The following ANGEL1 variants were observed in gnomAD, a reference collection of about 807,000 sequenced individuals.
ANGEL1 encodes angel homolog 1.
Under a neutral mutation model 76.4 loss-of-function variants are expected in ANGEL1, and 62 were observed. That is an observed-to-expected ratio of 0.81 (90% CI 0.66 to 1.00). ANGEL1 has a LOEUF of 1.00. Among genes scored for constraint, ANGEL1 ranks in the 50% least tolerant of loss-of-function variants. The pLI is 0.00. For missense variants in ANGEL1, 737 were observed against 836.7 expected, an observed-to-expected ratio of 0.88 and a Z score of 1.47; for synonymous variants, 340 against 331.7, an observed-to-expected ratio of 1.03 and a Z score of -0.27.
rs555094845 is a variant in ANGEL1, at chr14:76,787,762, C to G, written c.*1466G>C. The G allele has an allele frequency of 1.3e-5, 2 of 152,630 alleles. No homozygotes were observed. The highest frequency in any genetic ancestry group is 4.1e-4 in the South Asian group (2 of 4,826). The allele number at this position is 152,630 out of a possible 1,614,324, so 9.5% of individuals were successfully genotyped here. On this transcript the variant is annotated 3_prime_UTR_variant, in exon 10 of 10. Coordinates refer to ENST00000251089, the MANE Select transcript of ANGEL1 (RefSeq NM_015305.4). ...GTCCCACTTTGGAGGTCGAGTGAGG[C>G]AAGAGCAAGTCAAATCTACCAGGGC...
chr14:76,787,115 T>C lies in ANGEL1; in HGVS notation c.*2113A>G, dbSNP rs1009323869. 2 of 152,160 alleles carry C rather than the reference T, an allele frequency of 1.3e-5. No individual in the cohort carries two copies. Among genetic ancestry groups the C allele is most frequent in the Non-Finnish European group, 2.9e-5 (2 of 68,050 alleles). The allele number at this position is 152,160 out of a possible 1,614,324, so 9.4% of individuals were successfully genotyped here. A position where few individuals can be genotyped will look rare whatever the true frequency, so the allele number is the denominator to read the frequency against. On this transcript the variant is annotated 3_prime_UTR_variant, in exon 10 of 10. Coordinates refer to ENST00000251089, the MANE Select transcript of ANGEL1 (RefSeq NM_015305.4). ...GGAGATCTTACAACACATTTCTCAA[T>C]CTAGATTCATGTCTTGAGACCCCAC... is the stretch of plus-strand genomic sequence containing the variant.
At chr14:76,807,867 G>A (rs961029674) in intron 3 of ANGEL1, 55 bp downstream of exon 3, 2 of 1,582,978 alleles carry the variant, frequency 1.3e-6, no homozygotes, top group Non-Finnish European at 1.7e-6. Flanking sequence ...AGAGCACTGG[G>A]CAACAGCCCA....
Position 76,802,130 on chromosome 14 carries a change from C to T in ANGEL1, c.1618+1241G>A, listed in dbSNP as rs1393935470. ...GAGGTTGTAGTGAGCCGAGATGGTG[C>T]CACTGCACTCCAGCCTGGTGACAGA... On this transcript the variant is annotated intron_variant, in intron 7 of 9. Coordinates refer to ENST00000251089, the MANE Select transcript of ANGEL1 (RefSeq NM_015305.4). Among the ~76,000 whole-genome samples the T allele has an allele frequency of 2.0e-5, 3 of 152,108 alleles. No individual in the cohort carries two copies. The South Asian group carries it at 6.2e-4, about 32-fold the overall frequency.
intron 7 of ANGEL1, among the ~76,000 whole-genome samples, chr14:76,798,928 T>C (rs1450272309): frequency 6.9e-5 from 9 of 131,360 alleles, no homozygotes; most frequent in African/African-American, 2.4e-4. Flanking sequence ...GCCTGAGTGA[T>C]AGAGTGAGAC....
At chr14:76,807,577 AG>A (rs1894957352) in intron 3 of ANGEL1, 75 bp from the exon 4 acceptor site, 6 of 1,475,436 alleles carry the variant, frequency 4.1e-6, no homozygotes, top group Non-Finnish European at 5.6e-6. Flanking sequence ...GCAGGTCCTG[AG>A]GCCAGGTGGG....
intron 7 of ANGEL1, among the ~76,000 whole-genome samples, chr14:76,798,308 G>A (rs1894645758): frequency 6.6e-6 from 1 of 151,952 alleles, no homozygotes; most frequent in African/African-American, 2.4e-5. Context: ...TGAATTTTCT[G>A]TAGAGATGGG....
At chr14:76,803,338 G>C (rs764256074) in intron 7 of ANGEL1, 33 bp downstream of exon 7, 6 of 1,561,198 alleles carry the variant, frequency 3.8e-6, no homozygotes, top group Non-Finnish European at 5.3e-6. Flanking sequence ...GAGGAAGAAA[G>C]AAGACCAAGA....
Position 76,809,426 on chromosome 14 carries a change from C to T in ANGEL1, c.282G>A (p.Leu94=). The T allele has an allele frequency of 6.2e-7, 1 of 1,614,252 alleles. No homozygotes were observed. The highest frequency in any genetic ancestry group is 8.5e-7 in the Non-Finnish European group (1 of 1,180,038). The stretch of plus-strand genomic sequence containing the variant: ...CATTCTCTTCTCCAGGATTATCCAT[C>T]AGAAGTGCCAGGCTGCTCTGGGCTA... ...KGLAQSSLAL[L]MDNPGEENAA... The change falls in exon 2 of 10, where the codon CTG becomes CTA. Residue 94 remains leucine, a synonymous_variant. Coordinates refer to ENST00000251089, the MANE Select transcript of ANGEL1 (RefSeq NM_015305.4).
In ANGEL1 at chr14:76,790,708, A is replaced by G; in HGVS notation, c.1755T>C (p.Arg585=). The change falls in exon 9 of 10, where the codon CGT becomes CGC. Residue 585 remains arginine, a synonymous_variant. Coordinates refer to ENST00000251089, the MANE Select transcript of ANGEL1 (RefSeq NM_015305.4). ...TSVYTHFLPQ[R]GRPEVTTMPL... is the part of the protein sequence containing the mutation. ...GCATTGTAGTGACCTCTGGGCGGCC[A>G]CGCTGGGGCAGGAAGTGGGTATATA... The G allele has an allele frequency of 6.2e-7, 1 of 1,614,184 alleles. No individual in the cohort carries two copies. Among genetic ancestry groups the G allele is most frequent in the Non-Finnish European group, 8.5e-7 (1 of 1,180,024 alleles).
In ANGEL1 at chr14:76,790,744, G is replaced by C. The variant is rs755884248; in HGVS notation, c.1719C>G (p.His573Gln). ...GGAAGTGGGTATATACTGACGTCAGGTGGAGGCAGTGCTGGATGGTACCTA... is the reference window on the plus strand; with the variant it reads ...GGAAGTGGGTATATACTGACGTCAGCTGGAGGCAGTGCTGGATGGTACCTA... ...RTVGTIQHCL[H>Q]LTSVYTHFLP... The change falls in exon 9 of 10, where the codon CAC (histidine) becomes CAG (glutamine). Residue 573 changes from histidine to glutamine, a missense_variant. Transcript: ENST00000251089. 1.2e-6 allele frequency: 2 copies of C among 1,614,048 alleles called. No individual in the cohort carries two copies. Among genetic ancestry groups the C allele is most frequent in the Non-Finnish European group, 1.7e-6 (2 of 1,179,964 alleles).
intron 7 of ANGEL1, among the ~76,000 whole-genome samples, chr14:76,799,368 A>ACTG (rs1413416617): frequency 7.9e-6 from 1 of 126,752 alleles, no homozygotes; most frequent in Non-Finnish European, 1.6e-5. Flanking sequence ...ATCTCGGCTC[A>ACTG]CTGCAAGCTC....
At chr14:76,807,304 A>G (rs1894946807) in intron 4 of ANGEL1, 129 bp downstream of exon 4, 3 of 861,304 alleles carry the variant, frequency 3.5e-6, no homozygotes, top group South Asian at 3.4e-5. Flanking sequence ...TCAGGCACAC[A>G]TGGAAGGAGC....
intron 7 of ANGEL1, among the ~76,000 whole-genome samples, chr14:76,799,582 C>T (rs914871324): frequency 3.3e-5 from 5 of 152,088 alleles, no homozygotes; most frequent in Admixed American, 1.3e-4. Flanking sequence ...CGTGAGCCAC[C>T]GCGCCCGGCC....
In ANGEL1 at chr14:76,790,881, T is replaced by A. The variant is rs1433532831; in HGVS notation, c.1689-107A>T. On this transcript the variant is annotated intron_variant, in intron 8 of 9. Coordinates refer to ENST00000251089, the MANE Select transcript of ANGEL1 (RefSeq NM_015305.4). ...GATTTTTTAAAAGGATGATCTCAGA[T>A]GACTCAATCTCAGCCAATTCCTCCC... 3 of 1,409,056 alleles carry A rather than the reference T, an allele frequency of 2.1e-6. No individual in the cohort carries two copies. The African/African-American group carries it at 4.3e-5, about 20-fold the overall frequency. 87.3% of individuals were successfully genotyped at this position (1,409,056 alleles called of 1,614,324 possible).
intron 7 of ANGEL1, among the ~76,000 whole-genome samples, chr14:76,799,278 C>T (rs1233718132): frequency 4.4e-4 from 23 of 52,346 alleles, no homozygotes; most frequent in South Asian, 2.4e-3. Context: ...TCATGGCCTC[C>T]TTTTTTTTTT....
At chr14:76,806,289 C>T in intron 5 of ANGEL1, 127 bp downstream of exon 5, 1 of 992,390 alleles carries the variant, frequency 1.0e-6, no homozygotes, top group African/African-American at 1.6e-5. Flanking sequence ...TTCAACATAA[C>T]AAGAAAAAGG....
At chr14:76,804,240 C>G in intron 5 of ANGEL1, 14 of 1,379,560 alleles carry the variant, frequency 1.0e-5, no homozygotes, top group Non-Finnish European at 1.2e-5. Context: ...AATATCAACT[C>G]TCAGGGGCTT....
intron 7 of ANGEL1, among the ~76,000 whole-genome samples, chr14:76,798,105 C>T (rs1271979329): frequency 6.7e-6 from 1 of 150,196 alleles, no homozygotes; most frequent in African/African-American, 2.5e-5. Flanking sequence ...AGGCCCTCAC[C>T]AGACACTAAA....
intron 3 of ANGEL1, 30 bp from the exon 4 acceptor site, chr14:76,807,532 C>G: frequency 6.2e-7 from 1 of 1,609,384 alleles, no homozygotes. Context: ...CCCAATCACT[C>G]CAGAGTGCTG....
Sources: gnomAD v4.1 joint callset for allele counts (sites outside exome capture counted in the v4.1 genomes callset) on GRCh38, gnomAD v4.1.1 for gene constraint, MANE v1.5 for transcripts, NCBI Gene and HGNC (gene_info 2026-07-23, HGNC 2026-07-21) for gene names.